ADK: variants seen among roughly 807,000 people sequenced by gnomAD.
The protein encoded by ADK is adenosine kinase, also known as N6,N6-dimethyladenosine kinase.
A neutral mutation model predicts 44.7 loss-of-function variants in ADK; 24 were observed. That is an observed-to-expected ratio of 0.54 (90% CI 0.39 to 0.76). ADK has a LOEUF of 0.76. Among genes scored for constraint, ADK ranks in the 30% least tolerant of loss-of-function variants. The pLI is 0.00. For missense variants in ADK, 321 were observed against 425.1 expected (o/e 0.76, Z 2.15); for synonymous variants, 128 against 142.6 (o/e 0.90, Z 0.73).
At chr10:74,477,451 A>G (rs1160105652) in intron 6 of ADK, among the ~76,000 whole-genome samples, 1 of 152,074 alleles carries the variant, frequency 6.6e-6, no homozygotes, top group African/African-American at 2.4e-5. Flanking sequence ...CACGTGATCT[A>G]CCTGCCTTAG....
intron 6 of ADK, among the ~76,000 whole-genome samples, chr10:74,502,815 A>G (rs1477236875): frequency 2.6e-5 from 4 of 152,150 alleles, no homozygotes; most frequent in Non-Finnish European, 5.9e-5. Context: ...CTCAAATGTA[A>G]AGGACTTGTA....
At chr10:74,672,119 C>T (rs907677351) in intron 10 of ADK, among the ~76,000 whole-genome samples, 21 of 151,990 alleles carry the variant, frequency 1.4e-4, no homozygotes, top group Admixed American at 2.0e-4. Context: ...CTCTTTTTAT[C>T]CTACTTCATT....
chr10:74,360,654 T>C (rs1290836339), intron 4 of ADK, among the ~76,000 whole-genome samples: 1 of 152,212 alleles, frequency 6.6e-6, no homozygotes, highest in South Asian at 2.1e-4. Flanking sequence ...TATTGTTATA[T>C]CCTTTTGCTG....
intron 7 of ADK, among the ~76,000 whole-genome samples, chr10:74,554,126 C>G (rs1850148074): frequency 6.6e-6 from 1 of 152,158 alleles, no homozygotes; most frequent in Non-Finnish European, 1.5e-5. Flanking sequence ...TGTTCTCATA[C>G]TCTTTCTTGT....
In ADK at chr10:74,258,623, T is replaced by C; in HGVS notation, c.194+34032T>C. 1.3e-5 allele frequency among the ~76,000 whole-genome samples: 2 copies of C among 152,124 alleles called. 1 individual carries two copies. The highest frequency in any genetic ancestry group is 1.3e-4 in the Admixed American group (2 of 15,276). ...ACAACAGATTTAGAAGTAATCAAAA[T>C]TGAAGCATTTTATTTAGCTGGGAAA... On this transcript the variant is annotated intron_variant, in intron 3 of 10. Coordinates refer to ENST00000539909, the MANE Select transcript of ADK (RefSeq NM_006721.4).
intron 9 of ADK, among the ~76,000 whole-genome samples, chr10:74,629,750 C>T (rs73276271): frequency 2.4e-3 from 368 of 152,120 alleles, no homozygotes; most frequent in African/African-American, 8.5e-3. Flanking sequence ...ATCAGAGAAA[C>T]AATGTATTTT....
At chr10:74,670,810 T>C (rs1244627777) in intron 10 of ADK, among the ~76,000 whole-genome samples, 4 of 130,402 alleles carry the variant, frequency 3.1e-5, no homozygotes, top group African/African-American at 1.2e-4. Flanking sequence ...TGGTAATGAA[T>C]ACTCAAAAAT....
rs199953339 is a variant in ADK at position 74,670,263 on chromosome 10, G to A, written c.958G>A (p.Val320Ile). The A allele has an allele frequency of 6.2e-7, 1 of 1,612,592 alleles. No homozygotes were observed. The highest frequency in any genetic ancestry group is 2.2e-5 in the East Asian group (1 of 44,814). The change falls in exon 10 of 11, where the codon GTT becomes ATT. Residue 320 changes from valine to isoleucine, a missense_variant. Coordinates refer to ENST00000539909, the MANE Select transcript of ADK (RefSeq NM_006721.4). Reference protein sequence around the residue: ...IDTNGAGDAFVGGFLSQLVSD... With the variant: ...IDTNGAGDAFIGGFLSQLVSD... The stretch of plus-strand genomic sequence containing the variant: ...TACCAATGGAGCTGGAGATGCATTT[G>A]TTGGAGGTACAGACTAATTTATTTC...
chr10:74,371,932 C>A, intron 4 of ADK: 1 of 1,364,504 alleles, frequency 7.3e-7, no homozygotes, highest in East Asian at 2.3e-5. Flanking sequence ...GACCACCAGC[C>A]TCTCACAGAG....
In ADK at chr10:74,550,158, C is replaced by T. The variant is rs184427686; in HGVS notation, c.726+24732C>T. On this transcript the variant is annotated intron_variant, in intron 7 of 10. Transcript: ENST00000539909. Reference sequence around the variant, plus strand: ...TGATCTTGGCTCACTGCAACCTCTGCCTCCCGGGTTCAAGTGATTCTTCTG... The same window carrying T: ...TGATCTTGGCTCACTGCAACCTCTGTCTCCCGGGTTCAAGTGATTCTTCTG... Among the ~76,000 whole-genome samples, 599 of 151,650 alleles carry T rather than the reference C, an allele frequency of 3.9e-3. 5 individuals carry two copies. The highest frequency in any genetic ancestry group is 0.014 in the African/African-American group (581 of 41,268).
chr10:74,209,538 T>C (rs1226551919), intron 2 of ADK, among the ~76,000 whole-genome samples: 3 of 152,142 alleles, frequency 2.0e-5, no homozygotes, highest in Non-Finnish European at 4.4e-5. Flanking sequence ...GAATGAGATA[T>C]ATACTGATTA....
At chr10:74,673,797 C>T (rs1031087691) in intron 10 of ADK, among the ~76,000 whole-genome samples, 2 of 152,024 alleles carry the variant, frequency 1.3e-5, no homozygotes, top group African/African-American at 2.4e-5. Context: ...ATTTTATTGC[C>T]GATGAAAGTG....
intron 6 of ADK, among the ~76,000 whole-genome samples, chr10:74,427,851 TTA>T (rs1161183547): frequency 6.6e-6 from 1 of 152,144 alleles, no homozygotes; most frequent in African/African-American, 2.4e-5. Context: ...TTTCCCACTG[TTA>T]GTTTCCTAAG....
chr10:74,252,876 A>G lies in ADK; in HGVS notation c.194+28285A>G, dbSNP rs188534227. ...TCCTTTTCACTTAGACTTTCCCTGT[A>G]TCATACCCTCATATTGGGTGGCATT... On this transcript the variant is annotated intron_variant, in intron 3 of 10. Transcript: ENST00000539909. 2.0e-5 allele frequency among the ~76,000 whole-genome samples: 3 copies of G among 152,322 alleles called. No individual in the cohort carries two copies. The East Asian group carries it at 5.8e-4, about 29-fold the overall frequency.
intron 9 of ADK, among the ~76,000 whole-genome samples, chr10:74,662,786 C>T (rs1395901741): frequency 6.6e-6 from 1 of 152,192 alleles, no homozygotes; most frequent in African/African-American, 2.4e-5. Flanking sequence ...ACCCCTGGAA[C>T]TTCACATGGC....
At chr10:74,294,140 A>G (rs914636008) in intron 3 of ADK, among the ~76,000 whole-genome samples, 1 of 152,152 alleles carries the variant, frequency 6.6e-6, no homozygotes, top group African/African-American at 2.4e-5. Flanking sequence ...ATTCCATCAT[A>G]TGAATTTATC....
chr10:74,574,787 T>C (rs16931528), intron 7 of ADK, among the ~76,000 whole-genome samples: 6,558 of 152,244 alleles, frequency 0.043, 436 homozygotes, highest in African/African-American at 0.14. Flanking sequence ...AAGTTTTTAG[T>C]CAGATCTTTG....
At chr10:74,426,948 C>T (rs1268528945) in intron 6 of ADK, among the ~76,000 whole-genome samples, 1 of 152,108 alleles carries the variant, frequency 6.6e-6, no homozygotes, top group African/African-American at 2.4e-5. Context: ...CCTAACCCCC[C>T]AAGCCTCAAC....
rs77774358 is a variant in ADK at position 74,338,114 on chromosome 10, TAAC to T, written c.273+23390_273+23392del. The stretch of plus-strand genomic sequence containing the variant: ...TAGCCTCTATACAGAATTTCTAGGA[TAAC>T]AACAACAACAACAACAACAAAAACT... On this transcript the variant is annotated intron_variant, in intron 4 of 10. Transcript: ENST00000539909. 1.6e-3 allele frequency among the ~76,000 whole-genome samples: 243 copies of T among 150,902 alleles called. 2 individuals carry two copies. The highest frequency in any genetic ancestry group is 3.2e-3 in the African/African-American group (131 of 41,186).
Sources: allele counts gnomAD v4.1 joint callset (sites outside exome capture counted in the v4.1 genomes callset), GRCh38; gene constraint gnomAD v4.1.1; transcripts MANE v1.5; gene names NCBI Gene and HGNC (gene_info 2026-07-23, HGNC 2026-07-21).